The following SPTBN2 variants were observed in gnomAD, a reference collection of about 807,000 sequenced individuals.
SPTBN2 encodes the protein spectrin beta, non-erythrocytic 2.
Under a neutral mutation model 284.2 loss-of-function variants are expected in SPTBN2, and 107 were observed. The observed-to-expected ratio is 0.38, with a 90% CI of 0.32 to 0.44. The LOEUF (loss-of-function observed/expected upper bound fraction) is 0.44, where lower values mean the gene tolerates loss of function less well. Ranked by LOEUF, SPTBN2 falls within the 20% of genes least tolerant of loss-of-function variation. SPTBN2 has a pLI of 1.00. For missense variants in SPTBN2, 2,569 were observed against 3,287.1 expected (o/e 0.78, Z 5.34); for synonymous variants, 1,289 against 1,354.8 (o/e 0.95, Z 1.07).
At position 66,722,176 on chromosome 11, in the gene SPTBN2, G is replaced by A. The variant is rs536982562; in HGVS notation, c.-113-736C>T. ...TGTTAGTAAGTACTCAATAAATGTC[G>A]GCTGTGACATATCCCTGCCATTGAC... On this transcript the variant is annotated intron_variant, in intron 1 of 37. Transcript: ENST00000533211. Among the ~76,000 whole-genome samples the A allele has an allele frequency of 2.6e-5, 4 of 152,072 alleles. 1 individual carries two copies. In the South Asian group the frequency reaches 6.2e-4, roughly 24 times the overall value.
chr11:66,718,990 T>C lies in SPTBN2; in HGVS notation c.157+2094A>G, dbSNP rs1277071092. Among the ~76,000 whole-genome samples the C allele has an allele frequency of 6.6e-6, 1 of 152,184 alleles. No homozygotes were observed. The highest frequency in any genetic ancestry group is 1.5e-5 in the Non-Finnish European group (1 of 68,038). ...CATCAGGCCCCAAGTTACCTAACAA[T>C]GCACAGGACCCACGAGAGGGGCCCC... On this transcript the variant is annotated intron_variant, in intron 3 of 37. Coordinates refer to ENST00000533211, the MANE Select transcript of SPTBN2 (RefSeq NM_006946.4). This position sits in a 1 kb window ranked among gnomAD's most constrained non-coding sequence, Gnocchi z 4.8.
chr11:66,737,598 C>T (rs975234587), intron 1 of SPTBN2, among the ~76,000 whole-genome samples: 1 of 152,098 alleles, frequency 6.6e-6, no homozygotes, highest in Admixed American at 6.5e-5. Context: ...CCACTGCTGC[C>T]CAAAGCTGGA....
rs1302163994 is a variant in SPTBN2 at position 66,692,717 on chromosome 11, G to A, written c.5009C>T (p.Ala1670Val). The change falls in exon 26 of 38, where the codon GCC becomes GTC. Residue 1670 changes from alanine to valine, a missense_variant. Physicochemically the swap from Ala to Val is moderately conservative, Grantham distance 64. This residue lies in a region of SPTBN2 where 1,130 missense variants were observed against 1,317.3 expected (regional missense o/e 0.86). Transcript: ENST00000533211. ...GCCGGCATACAGCTTGTCCACCTGG[G>A]CTTGGCGGATGGATATCCGAGTGCT... ...PESTRISIRQ[A>V]QVDKLYAGLK... 1.9e-6 allele frequency: 3 copies of A among 1,602,910 alleles called. No homozygotes were observed. In the East Asian group the frequency reaches 6.7e-5, roughly 36 times the overall value.
In SPTBN2 at chr11:66,686,029, C is replaced by T; in HGVS notation, c.7015G>A (p.Glu2339Lys). 6.2e-7 allele frequency: 1 copy of T among 1,613,798 alleles called. No homozygotes were observed. ...TASSASGEPE[E>K]PVVPSTTRGM... Reference sequence around the variant, plus strand: ...CGGGTGGTGCTGGGCACCACCGGCTCTTCAGGCTCTCCAGAGGCAGAAGAC... The same window carrying T: ...CGGGTGGTGCTGGGCACCACCGGCTTTTCAGGCTCTCCAGAGGCAGAAGAC... The change falls in exon 38 of 38, where the codon GAG becomes AAG. Residue 2339 changes from glutamate to lysine, a missense_variant. Transcript: ENST00000533211.
intron 7 of SPTBN2, among the ~76,000 whole-genome samples, 162 bp downstream of exon 7, chr11:66,713,929 T>G (rs1666924581): frequency 6.6e-6 from 1 of 152,130 alleles, no homozygotes; most frequent in Non-Finnish European, 1.5e-5. Flanking sequence ...CCATCACAAG[T>G]GCTCTGCGCA....
intron 26 of SPTBN2, 93 bp downstream of exon 26, chr11:66,692,441 CCT>C: frequency 6.8e-7 from 1 of 1,472,398 alleles, no homozygotes; most frequent in Non-Finnish European, 9.4e-7. Context: ...CCCCTTAGCC[CCT>C]CAGTGCTCTG....
rs567139526 is a variant in SPTBN2, at chr11:66,718,886, C to T, written c.157+2198G>A. On this transcript the variant is annotated intron_variant, in intron 3 of 37. Transcript: ENST00000533211. This position sits in a 1 kb window ranked among gnomAD's most constrained non-coding sequence, Gnocchi z 4.8. The stretch of plus-strand genomic sequence containing the variant: ...GACAGTGTTGGGGAGGGGAGAGAGG[C>T]GGAGTGTGGCCGGCGGGGGCAGGGC... Among the ~76,000 whole-genome samples the T allele has an allele frequency of 2.0e-5, 3 of 152,316 alleles. No individual in the cohort carries two copies. The highest frequency in any genetic ancestry group is 2.1e-4 in the South Asian group (1 of 4,822).
Position 66,693,751 on chromosome 11 carries a change from TG to T in SPTBN2, c.4593+20del, listed in dbSNP as rs1455004626. The T allele has an allele frequency of 6.2e-7, 1 of 1,605,354 alleles. No individual in the cohort carries two copies. Among genetic ancestry groups the T allele is most frequent in the East Asian group, 2.2e-5 (1 of 44,644 alleles). On this transcript the variant is annotated intron_variant, in intron 23 of 37. Coordinates refer to ENST00000533211, the MANE Select transcript of SPTBN2 (RefSeq NM_006946.4). This position sits in a 1 kb window ranked among gnomAD's most constrained non-coding sequence, Gnocchi z 5.7. ...GGCAGGCTCCTGGGAACTTCTCTTTTGCCTTCAGCCTCTGCCTCACCTGGTT... is the reference window on the plus strand; with the variant it reads ...GGCAGGCTCCTGGGAACTTCTCTTTTCCTTCAGCCTCTGCCTCACCTGGTT...
chr11:66,726,068 A>G (rs1174299438), intron 1 of SPTBN2, among the ~76,000 whole-genome samples: 1 of 152,230 alleles, frequency 6.6e-6, no homozygotes, highest in Admixed American at 6.5e-5. Flanking sequence ...CATTGAGGAC[A>G]AGGGCTGTCT....
At chr11:66,703,963 A>G (rs1202377792) in intron 15 of SPTBN2, among the ~76,000 whole-genome samples, 2 of 135,434 alleles carry the variant, frequency 1.5e-5, no homozygotes, top group South Asian at 2.3e-4. Flanking sequence ...GCTTCCTCGT[A>G]TTTCTTTTCT....
At chr11:66,726,256 T>C (rs1353603020) in intron 1 of SPTBN2, among the ~76,000 whole-genome samples, 3 of 152,224 alleles carry the variant, frequency 2.0e-5, no homozygotes, top group Admixed American at 2.0e-4. Flanking sequence ...TGGGCTGGAA[T>C]ACTTTCAGGG....
chr11:66,720,371 C>T (rs993717345), intron 3 of SPTBN2, among the ~76,000 whole-genome samples: 6 of 152,110 alleles, frequency 3.9e-5, no homozygotes, highest in African/African-American at 1.4e-4. Context: ...GTGAGTCAGC[C>T]CCATGCCAGC....
In SPTBN2 at chr11:66,696,466, CCTGTGCAGG is replaced by C; in HGVS notation, c.4080_4088del (p.Asp1360_Arg1363delinsGlu). Reference sequence around the variant, plus strand: ...TGGTGGTCTCCAGCTCGTCCCAGCGCCTGTGCAGGTCTCTCAGCTTCTCCGACACCAGGG... The same window carrying C: ...TGGTGGTCTCCAGCTCGTCCCAGCGCTCTCTCAGCTTCTCCGACACCAGGG... On this transcript the variant is annotated inframe_deletion, in exon 21 of 38. Transcript: ENST00000533211. The C allele has an allele frequency of 6.2e-7, 1 of 1,612,630 alleles. No individual in the cohort carries two copies. The highest frequency in any genetic ancestry group is 1.1e-5 in the South Asian group (1 of 91,086).
intron 1 of SPTBN2, among the ~76,000 whole-genome samples, chr11:66,724,205 G>A (rs1480098420): frequency 6.6e-6 from 1 of 152,220 alleles, no homozygotes; most frequent in Non-Finnish European, 1.5e-5. Context: ...CAGATCACCT[G>A]AGGTCAGGAG....
chr11:66,700,473 C>A lies in SPTBN2; in HGVS notation c.3573+53G>T. The A allele has an allele frequency of 6.3e-7, 1 of 1,597,462 alleles. No homozygotes were observed. On this transcript the variant is annotated intron_variant, in intron 17 of 37. Transcript: ENST00000533211. The surrounding 1 kb of genome is among the most constrained non-coding windows in gnomAD (Gnocchi z 6.6). ...CCCATCCTGCTCCTTCACATTTCCC[C>A]GGGTCCCTACTTTGCTCTTCCTCCT...
Position 66,683,498 on chromosome 11 carries a change from C to A in SPTBN2, c.*2373G>T, listed in dbSNP as rs1429724150. Among the ~76,000 whole-genome samples, 2 of 152,156 alleles carry A rather than the reference C, an allele frequency of 1.3e-5. No homozygotes were observed. Among genetic ancestry groups the A allele is most frequent in the African/African-American group, 2.4e-5 (1 of 41,448 alleles). On this transcript the variant is annotated 3_prime_UTR_variant, in exon 38 of 38. Transcript: ENST00000533211. The stretch of plus-strand genomic sequence containing the variant: ...CCTGTTGTCTTTCCTGGAATTTTTT[C>A]TTTCTTCCACTCACAGCTGAAGGTG...
chr11:66,739,856 A>C (rs1942882224), intron 1 of SPTBN2, among the ~76,000 whole-genome samples: 1 of 152,222 alleles, frequency 6.6e-6, no homozygotes, highest in Non-Finnish European at 1.5e-5. Context: ...ACATGGTGAA[A>C]GCCTGTCTCT....
In SPTBN2 at chr11:66,683,399, A is replaced by G. The variant is rs1405693949; in HGVS notation, c.*2472T>C. ...CCATTTTTATCTGCCATCTCTCTCC[A>G]TTGATTTGTGCTGCCTGCATTTATT... is the stretch of plus-strand genomic sequence containing the variant. On this transcript the variant is annotated 3_prime_UTR_variant, in exon 38 of 38. Transcript: ENST00000533211. 6.6e-6 allele frequency among the ~76,000 whole-genome samples: 1 copy of G among 151,984 alleles called. No homozygotes were observed. Among genetic ancestry groups the G allele is most frequent in the Non-Finnish European group, 1.5e-5 (1 of 67,990 alleles).
intron 5 of SPTBN2, among the ~76,000 whole-genome samples, 173 bp from the exon 6 acceptor site, chr11:66,714,580 G>T (rs1942047896): frequency 6.6e-6 from 1 of 152,210 alleles, no homozygotes; most frequent in Non-Finnish European, 1.5e-5. Flanking sequence ...TGGGTGCAAG[G>T]GATTTGAGGC....
Sources: gnomAD v4.1 joint callset for allele counts (sites outside exome capture counted in the v4.1 genomes callset) on GRCh38, gnomAD v4.1.1 for gene constraint, gnomAD v4.1.1 regional missense constraint, Gnocchi (gnomAD v3.1) non-coding constraint, MANE v1.5 for transcripts, NCBI Gene and HGNC (gene_info 2026-07-23, HGNC 2026-07-21) for gene names.